CACNA1B: variants seen among roughly 807,000 people sequenced by gnomAD.
CACNA1B encodes the protein calcium voltage-gated channel subunit alpha1 B.
In CACNA1B, 70 loss-of-function variants were observed where a neutral mutation model predicts 247.2. That is an observed-to-expected ratio of 0.28 (90% CI 0.23 to 0.35). The LOEUF is 0.35. Among genes scored for constraint, CACNA1B ranks in the 10% least tolerant of loss-of-function variants. The probability of loss-of-function intolerance (pLI) is 1.00; values close to 1 mark genes in which losing one functional copy is unlikely to be tolerated. For missense variants in CACNA1B, 2,367 were observed against 3,197.4 expected, an observed-to-expected ratio of 0.74 and a Z score of 6.26; for synonymous variants, 1,231 against 1,294.4, an observed-to-expected ratio of 0.95 and a Z score of 1.05.
At position 138,118,054 on chromosome 9, in the gene CACNA1B, G is replaced by C; in HGVS notation, c.5886G>C (p.Glu1962Asp). 1 of 1,592,446 alleles carries C rather than the reference G, an allele frequency of 6.3e-7. No homozygotes were observed. Among genetic ancestry groups the C allele is most frequent in the Non-Finnish European group, 8.6e-7 (1 of 1,169,354 alleles). The part of the protein sequence containing the change: ...RPPLERGHST[E>D]IPVGRSGALA... ...CCCTGGAGCGTGGCCACTCCACAGA[G>C]ATCCCTGTGGGGCGGTCAGGAGCAC... Residue 1962 changes from glutamate (E) to aspartate (D), a missense_variant, in exon 43 of 47, where the codon GAG becomes GAC. Glu to Asp is a conservative substitution (Grantham distance 45). This residue lies in a region of CACNA1B where 773 missense variants were observed against 779.4 expected (regional missense o/e 0.99). Transcript: ENST00000371372.
At chr9:137,976,398 T>A (rs1589044308) in intron 12 of CACNA1B, among the ~76,000 whole-genome samples, 1 of 152,252 alleles carries the variant, frequency 6.6e-6, no homozygotes, top group Non-Finnish European at 1.5e-5. Context: ...CAGGCTTGGG[T>A]ACATCCACCA....
At chr9:137,964,306 CCT>C in intron 10 of CACNA1B, among the ~76,000 whole-genome samples, 1 of 152,180 alleles carries the variant, frequency 6.6e-6, no homozygotes, top group East Asian at 1.9e-4. Flanking sequence ...TTCCAATCTC[CCT>C]GTCTCTTTAA....
At chr9:138,120,003 C>T (rs1962023345) in intron 44 of CACNA1B, among the ~76,000 whole-genome samples, 162 bp from the exon 45 acceptor site, 1 of 152,190 alleles carries the variant, frequency 6.6e-6, no homozygotes, top group Non-Finnish European at 1.5e-5. Context: ...CCCAGCCTGC[C>T]CTCCTGGGCT....
rs79732643 is a variant in CACNA1B at position 137,913,219 on chromosome 9, A to G, written c.570A>G (p.Thr190=). The change falls in exon 4 of 47, where the codon ACA becomes ACG. Residue 190 remains threonine, a synonymous_variant. Transcript: ENST00000371372. This position sits in a 1 kb window ranked among gnomAD's most constrained non-coding sequence, Gnocchi z 5.2. ...ATAGTDFDLR[T]LRAVRVLRPL... ...CTGGAACTGACTTCGACCTGCGAAC[A>G]CTGAGGGCTGTGCGTGTGCTGAGGC... is the stretch of plus-strand genomic sequence containing the variant. The G allele has an allele frequency of 1.5e-3, 2,410 of 1,613,878 alleles. 38 individuals carry two copies. In the African/African-American group the frequency reaches 0.027, roughly 18 times the overall value.
At chr9:138,046,090 C>G (rs1055905338) in intron 21 of CACNA1B, among the ~76,000 whole-genome samples, 2 of 152,178 alleles carry the variant, frequency 1.3e-5, no homozygotes, top group Admixed American at 6.5e-5. Context: ...TGCACTCTCA[C>G]GTTGTGGCTC....
chr9:138,062,479 G>A (rs753666032), intron 31 of CACNA1B, among the ~76,000 whole-genome samples: 3 of 152,182 alleles, frequency 2.0e-5, no homozygotes, highest in South Asian at 2.1e-4. Flanking sequence ...GGGTTCGGTC[G>A]TAGAGGTACC....
chr9:138,047,434 C>G lies in CACNA1B; in HGVS notation c.3579C>G (p.Val1193=), dbSNP rs200722363. The G allele has an allele frequency of 4.5e-5, 72 of 1,612,222 alleles. 1 individual carries two copies. Among genetic ancestry groups the G allele is most frequent in the South Asian group, 4.3e-4 (39 of 91,040 alleles). Residue 1193 remains valine, a synonymous_variant, in exon 23 of 47, where the codon GTC becomes GTG. Transcript: ENST00000371372. ...ACCTGGATTACATTTTCACTGGTGT[C>G]TTTACCTTTGAGATGGTGATAAAGG... ...LKYLDYIFTG[V]FTFEMVIKMI...
intron 21 of CACNA1B, among the ~76,000 whole-genome samples, chr9:138,046,380 A>C (rs1959186022): frequency 6.6e-6 from 1 of 152,204 alleles, no homozygotes; most frequent in African/African-American, 2.4e-5. Context: ...GACAGGGCAC[A>C]CACCCCGCAC....
At chr9:137,901,815 G>T (rs1297149251) in intron 3 of CACNA1B, among the ~76,000 whole-genome samples, 2 of 149,852 alleles carry the variant, frequency 1.3e-5, no homozygotes, top group Non-Finnish European at 1.5e-5. Context: ...TCAGCCTCTT[G>T]AGTAGCTGGG....
At chr9:137,907,122 G>A (rs1247757833) in intron 3 of CACNA1B, among the ~76,000 whole-genome samples, 1 of 152,208 alleles carries the variant, frequency 6.6e-6, no homozygotes, top group Non-Finnish European at 1.5e-5. Context: ...TAGCGTGTGA[G>A]TGTGTCTGTG....
intron 39 of CACNA1B, 113 bp from the exon 40 acceptor site, chr9:138,112,285 C>A: frequency 1.4e-6 from 1 of 721,472 alleles, no homozygotes; most frequent in Non-Finnish European, 2.5e-6. Context: ...TGTACCCCAT[C>A]TCCGCCTACA....
At chr9:138,074,777 G>A (rs529026874) in intron 34 of CACNA1B, among the ~76,000 whole-genome samples, 16 of 152,364 alleles carry the variant, frequency 1.1e-4, no homozygotes, top group South Asian at 2.1e-4. Context: ...GTGGAGGCGC[G>A]TTGGAGCACA....
chr9:138,060,120 C>T (rs529796278), intron 31 of CACNA1B, among the ~76,000 whole-genome samples: 43 of 152,204 alleles, frequency 2.8e-4, no homozygotes, highest in African/African-American at 9.6e-4. Context: ...TGCCCCCCAC[C>T]GTCTCTCTAT....
intron 36 of CACNA1B, among the ~76,000 whole-genome samples, chr9:138,090,847 C>T (rs1041888351): frequency 6.0e-5 from 9 of 150,728 alleles, no homozygotes; most frequent in Non-Finnish European, 1.3e-4. Flanking sequence ...CAGGGAAATG[C>T]AAATCAAAAC....
At chr9:138,119,448 G>T (rs533129178) in intron 44 of CACNA1B, among the ~76,000 whole-genome samples, 44 of 152,254 alleles carry the variant, frequency 2.9e-4, no homozygotes, top group South Asian at 1.0e-3. Context: ...TGCTTCAGTT[G>T]GCCAAAAGTG....
At chr9:138,025,902 A>T (rs1958915193) in intron 20 of CACNA1B, among the ~76,000 whole-genome samples, 1 of 152,136 alleles carries the variant, frequency 6.6e-6, no homozygotes, top group South Asian at 2.1e-4. Context: ...AAGTACAGAG[A>T]AAAAAGGGGT....
rs1325804861 is a variant in CACNA1B, at chr9:138,052,405, C to T, written c.3807+217C>T. ...GTGAGAATCCTCCTCCTTAGCCCAG[C>T]AGGACCAGGCGGCACAGGGTTTTTC... On this transcript the variant is annotated intron_variant, in intron 25 of 46. Coordinates refer to ENST00000371372, the MANE Select transcript of CACNA1B (RefSeq NM_000718.4). The surrounding 1 kb of genome is among the most constrained non-coding windows in gnomAD (Gnocchi z 5.1). Among the ~76,000 whole-genome samples, 1 of 152,136 alleles carries T rather than the reference C, an allele frequency of 6.6e-6. No homozygotes were observed. The highest frequency in any genetic ancestry group is 1.5e-5 in the Non-Finnish European group (1 of 68,036).
Position 138,023,140 on chromosome 9 carries a change from C to T in CACNA1B, c.2397C>T (p.Phe799=), listed in dbSNP as rs1240555317. The T allele has an allele frequency of 2.6e-6, 4 of 1,535,698 alleles. No homozygotes were observed. Among genetic ancestry groups the T allele is most frequent in the Middle Eastern group, 2.0e-4 (1 of 5,042 alleles). The part of the protein sequence containing the change: ...SEMDPEERLR[F]ATTRHLRPDM... ...TGGACCCCGAGGAGCGGCTGCGCTT[C>T]GCCACTACGCGCCACCTGCGGCCCG... The change falls in exon 19 of 47, where the codon TTC becomes TTT. Residue 799 remains phenylalanine, a synonymous_variant. Coordinates refer to ENST00000371372, the MANE Select transcript of CACNA1B (RefSeq NM_000718.4).
intron 6 of CACNA1B, among the ~76,000 whole-genome samples, chr9:137,941,075 A>G (rs976596849): frequency 6.6e-6 from 1 of 152,316 alleles, no homozygotes; most frequent in East Asian, 1.9e-4. Flanking sequence ...GCAATCAGAC[A>G]AGAGAAAGAA....
Sources: allele counts gnomAD v4.1 joint callset (sites outside exome capture counted in the v4.1 genomes callset), GRCh38; gene constraint gnomAD v4.1.1; regional missense constraint gnomAD v4.1.1; non-coding constraint Gnocchi (gnomAD v3.1); transcripts MANE v1.5; gene names NCBI Gene and HGNC (gene_info 2026-07-23, HGNC 2026-07-21).